Variants in TBC1D5 observed in about 807,000 individuals in gnomAD.
TBC1D5 encodes the protein TBC1 domain family member 5.
A neutral mutation model predicts 100.3 loss-of-function variants in TBC1D5; 75 were observed. The observed-to-expected ratio is 0.75, with a 90% CI of 0.62 to 0.91. The LOEUF (loss-of-function observed/expected upper bound fraction) is 0.91. TBC1D5 is among the 40% of genes least tolerant of loss of function. The pLI, the probability that TBC1D5 is intolerant of heterozygous loss-of-function variation, is 0.00. For missense variants in TBC1D5, 910 were observed against 942.4 expected (o/e 0.97, Z 0.45); for synonymous variants, 323 against 325.6 (o/e 0.99, Z 0.09).
intron 2 of TBC1D5, among the ~76,000 whole-genome samples, chr3:17,510,596 C>T (rs910378859): frequency 1.3e-5 from 2 of 151,764 alleles, no homozygotes; most frequent in African/African-American, 2.4e-5. Context: ...TAGAGGACAG[C>T]GAAATGTAGA....
chr3:17,268,180 G>C (rs1481540590), intron 15 of TBC1D5, among the ~76,000 whole-genome samples: 2 of 151,942 alleles, frequency 1.3e-5, no homozygotes, highest in African/African-American at 4.8e-5. Context: ...TTTTAAAAAA[G>C]AACACTAATC....
chr3:17,216,577 A>G (rs980550839), intron 17 of TBC1D5, among the ~76,000 whole-genome samples: 2 of 152,160 alleles, frequency 1.3e-5, no homozygotes, highest in African/African-American at 4.8e-5. Flanking sequence ...AGTAGAGAAC[A>G]GGCCCCAAGG....
intron 3 of TBC1D5, among the ~76,000 whole-genome samples, chr3:17,475,594 C>T (rs2095429149): frequency 6.6e-6 from 1 of 152,070 alleles, no homozygotes; most frequent in African/African-American, 2.4e-5. Flanking sequence ...TATCCGGTAT[C>T]TGTTTAATTA....
chr3:17,503,308 C>G (rs1002684769), intron 3 of TBC1D5, among the ~76,000 whole-genome samples: 1 of 149,550 alleles, frequency 6.7e-6, no homozygotes, highest in Non-Finnish European at 1.5e-5. Context: ...GACATCACAC[C>G]TTCCTTGATC....
intron 1 of TBC1D5, among the ~76,000 whole-genome samples, chr3:17,713,661 T>C (rs1199630218): frequency 6.6e-6 from 1 of 151,872 alleles, no homozygotes; most frequent in East Asian, 1.9e-4. Context: ...CTAGAATATA[T>C]AAAGAACTCT....
At chr3:17,439,527 TATAAAATCTTCAAATATCA>T (rs2094600750) in intron 3 of TBC1D5, among the ~76,000 whole-genome samples, 1 of 152,198 alleles carries the variant, frequency 6.6e-6, no homozygotes, top group Admixed American at 6.5e-5. Context: ...AGTATTTAAA[TATAAAATCTTCAAATATCA>T]ATTTTTTTTA....
At chr3:17,181,955 A>G (rs1351264522) in intron 19 of TBC1D5, among the ~76,000 whole-genome samples, 2 of 152,184 alleles carry the variant, frequency 1.3e-5, no homozygotes, top group East Asian at 3.8e-4. Context: ...TGAACACCTT[A>G]GTCCTTCCAA....
At chr3:17,676,491 G>A (rs963543129) in intron 1 of TBC1D5, among the ~76,000 whole-genome samples, 16 of 152,048 alleles carry the variant, frequency 1.1e-4, no homozygotes, top group Non-Finnish European at 1.6e-4. Flanking sequence ...ACTGCTCAAC[G>A]AAATAAAAGA....
chr3:17,450,591 C>T (rs143977852), intron 3 of TBC1D5, among the ~76,000 whole-genome samples: 1,595 of 152,040 alleles, frequency 0.01, 22 homozygotes, highest in African/African-American at 0.036. Flanking sequence ...GAAGCATACA[C>T]AAGTATCAAC....
At chr3:17,661,504 CTTT>C (rs34017083) in intron 1 of TBC1D5, among the ~76,000 whole-genome samples, 61 of 133,338 alleles carry the variant, frequency 4.6e-4, no homozygotes, top group Admixed American at 6.8e-4. Flanking sequence ...TCATTAGCAT[CTTT>C]TTTTTTTTTT....
intron 17 of TBC1D5, among the ~76,000 whole-genome samples, chr3:17,236,245 G>A (rs1158589998): frequency 1.3e-5 from 2 of 152,116 alleles, no homozygotes. Context: ...TCATTTGCCT[G>A]CCATCAGTTA....
intron 1 of TBC1D5, among the ~76,000 whole-genome samples, chr3:17,710,185 G>A (rs76751557): frequency 0.011 from 1,690 of 152,186 alleles, 25 homozygotes; most frequent in African/African-American, 0.038. Context: ...AAAGTCAGTC[G>A]AGAAACAGTA....
intron 15 of TBC1D5, among the ~76,000 whole-genome samples, chr3:17,273,885 G>A (rs2079688353): frequency 6.6e-6 from 1 of 150,944 alleles, no homozygotes; most frequent in Non-Finnish European, 1.5e-5. Flanking sequence ...CTTGGGAAAT[G>A]CAACAAATTG....
chr3:17,446,750 T>A (rs1005505705), intron 3 of TBC1D5, among the ~76,000 whole-genome samples: 8 of 152,094 alleles, frequency 5.3e-5, no homozygotes, highest in African/African-American at 1.9e-4. Flanking sequence ...GGCGGGTGGA[T>A]CACGACGTCA....
intron 13 of TBC1D5, among the ~76,000 whole-genome samples, chr3:17,352,696 A>G (rs941841625): frequency 2.0e-5 from 3 of 150,876 alleles, no homozygotes; most frequent in Non-Finnish European, 4.4e-5. Context: ...AAAAAAAAAA[A>G]AAACAAAAAA....
chr3:17,448,513 TGA>T (rs2094850710), intron 3 of TBC1D5, among the ~76,000 whole-genome samples: 1 of 152,224 alleles, frequency 6.6e-6, no homozygotes, highest in East Asian at 1.9e-4. Context: ...TAATAAGATG[TGA>T]AAGTAGAAAT....
exon 19 of TBC1D5, chr3:17,185,117 G>C (rs766129657): frequency 1.2e-6 from 2 of 1,610,684 alleles, no homozygotes; most frequent in African/African-American, 2.7e-5. Flanking sequence ...ACCAAGATGA[G>C]TGTCCATCAC....
chr3:17,554,133 T>C (rs2096496136), intron 2 of TBC1D5, among the ~76,000 whole-genome samples: 2 of 152,280 alleles, frequency 1.3e-5, no homozygotes, highest in African/African-American at 4.8e-5. Context: ...CACCATAACA[T>C]ATTTGGTGAG....
At chr3:17,524,924 T>C (rs547467639) in intron 2 of TBC1D5, among the ~76,000 whole-genome samples, 2 of 151,650 alleles carry the variant, frequency 1.3e-5, no homozygotes, top group Non-Finnish European at 2.9e-5. Context: ...TAGGTAGGAA[T>C]TTAAAATGCT....
Sources: allele counts gnomAD v4.1 joint callset (sites outside exome capture counted in the v4.1 genomes callset), GRCh38; gene constraint gnomAD v4.1.1; transcripts MANE v1.5; gene names NCBI Gene and HGNC (gene_info 2026-07-23, HGNC 2026-07-21).